PIBF1: variants seen among roughly 807,000 people sequenced by gnomAD.
PIBF1 encodes progesterone immunomodulatory binding factor 1.
A neutral mutation model predicts 112.5 loss-of-function variants in PIBF1; 90 were observed. The ratio of observed to expected loss-of-function variants is 0.80; its 90% CI spans 0.67 to 0.95. PIBF1 has a LOEUF of 0.95. Among genes scored for constraint, PIBF1 ranks in the 40% least tolerant of loss-of-function variants. The pLI is 0.00. For missense variants in PIBF1, 915 were observed against 852.3 expected, an observed-to-expected ratio of 1.07 and a Z score of -0.92; for synonymous variants, 301 against 288.6, an observed-to-expected ratio of 1.04 and a Z score of -0.44.
chr13:72,810,537 T>C (rs2035958249), intron 5 of PIBF1, among the ~76,000 whole-genome samples: 1 of 152,200 alleles, frequency 6.6e-6, no homozygotes, highest in Non-Finnish European at 1.5e-5. Context: ...ATTCAGTTAA[T>C]TTTATTTGTA....
intron 10 of PIBF1, among the ~76,000 whole-genome samples, chr13:72,869,832 T>A (rs2039089266): frequency 6.6e-6 from 1 of 151,938 alleles, no homozygotes; most frequent in Non-Finnish European, 1.5e-5. Flanking sequence ...TATATATATA[T>A]CTTTAATGAT....
intron 6 of PIBF1, among the ~76,000 whole-genome samples, chr13:72,824,801 T>C (rs2036725452): frequency 6.6e-6 from 1 of 152,190 alleles, no homozygotes; most frequent in Non-Finnish European, 1.5e-5. Flanking sequence ...GATGCTACCT[T>C]AACCTAGTGA....
At chr13:72,894,772 A>ATAGT (rs1491462402) in intron 11 of PIBF1, among the ~76,000 whole-genome samples, 7,863 of 136,910 alleles carry the variant, frequency 0.057, 583 homozygotes, top group African/African-American at 0.19. Flanking sequence ...ATATATATAT[A>ATAGT]GTGTGTGTGT....
At chr13:72,956,512 C>T (rs1414301195) in intron 14 of PIBF1, among the ~76,000 whole-genome samples, 2 of 152,146 alleles carry the variant, frequency 1.3e-5, no homozygotes, top group East Asian at 3.9e-4. Flanking sequence ...CATTAATGAC[C>T]TCTGAATGGC....
At chr13:72,897,996 A>G (rs1213825069) in intron 11 of PIBF1, among the ~76,000 whole-genome samples, 3 of 152,166 alleles carry the variant, frequency 2.0e-5, no homozygotes, top group African/African-American at 4.8e-5. Flanking sequence ...TCATCGAACA[A>G]CTGCAGAATA....
At chr13:73,009,872 G>C (rs2044142377) in intron 17 of PIBF1, among the ~76,000 whole-genome samples, 1 of 152,218 alleles carries the variant, frequency 6.6e-6, no homozygotes, top group Non-Finnish European at 1.5e-5. Context: ...AGCAGACACA[G>C]ATAAAAGGAG....
At chr13:72,910,908 A>C (rs2040871268) in intron 12 of PIBF1, among the ~76,000 whole-genome samples, 1 of 152,162 alleles carries the variant, frequency 6.6e-6, no homozygotes, top group Non-Finnish European at 1.5e-5. Flanking sequence ...AAAATCACGA[A>C]ATATATTGTG....
chr13:72,870,326 A>G (rs7993642), intron 10 of PIBF1, among the ~76,000 whole-genome samples: 117,949 of 152,096 alleles, frequency 0.78, 46,053 homozygotes, highest in South Asian at 0.85. Context: ...AATGAGAGCC[A>G]ACATTATGAA....
At chr13:72,825,564 A>G (rs1240257489) in intron 6 of PIBF1, among the ~76,000 whole-genome samples, 2 of 152,350 alleles carry the variant, frequency 1.3e-5, no homozygotes, top group South Asian at 2.1e-4. Flanking sequence ...GGGATCTGCA[A>G]CAACTGCAGG....
In PIBF1 at chr13:72,796,699, A is replaced by T. The variant is rs867170037; in HGVS notation, c.552+1142A>T. ...CAAATACAGCTTTTCTGTCCAAAGT[A>T]TACTGTCCAAAACAAATTAAATATC... On this transcript the variant is annotated intron_variant, in intron 4 of 17. Coordinates refer to ENST00000326291, the MANE Select transcript of PIBF1 (RefSeq NM_006346.4). Among the ~76,000 whole-genome samples the T allele has an allele frequency of 5.1e-4, 77 of 149,896 alleles. No individual in the cohort carries two copies. The Middle Eastern group carries it at 0.017, about 34-fold the overall frequency.
chr13:73,013,098 G>A (rs1263411072), intron 17 of PIBF1, among the ~76,000 whole-genome samples: 1 of 150,980 alleles, frequency 6.6e-6, no homozygotes, highest in East Asian at 1.9e-4. Context: ...TCAGGAGATC[G>A]AGACCATCCT....
chr13:72,940,226 T>C (rs1566472364), intron 14 of PIBF1, among the ~76,000 whole-genome samples: 1 of 152,118 alleles, frequency 6.6e-6, no homozygotes, highest in Non-Finnish European at 1.5e-5. Context: ...TTTTCTGCTT[T>C]TCTTTTGAAT....
chr13:73,004,267 G>A (rs530765591), intron 17 of PIBF1, among the ~76,000 whole-genome samples: 11 of 152,162 alleles, frequency 7.2e-5, no homozygotes, highest in African/African-American at 2.4e-4. Context: ...GAGGTGGGCG[G>A]CTCACCTGAG....
chr13:72,837,087 T>C (rs1270724288), intron 9 of PIBF1, among the ~76,000 whole-genome samples: 1 of 152,056 alleles, frequency 6.6e-6, no homozygotes, highest in African/African-American at 2.4e-5. Context: ...AATTTCAAAA[T>C]ATAAAAATTC....
chr13:73,011,059 C>T (rs1205736971), intron 17 of PIBF1, among the ~76,000 whole-genome samples: 1 of 149,036 alleles, frequency 6.7e-6, no homozygotes, highest in East Asian at 1.9e-4. Context: ...CTCCTGACCT[C>T]AGGTGATCCC....
chr13:72,831,805 A>G (rs928559789), intron 8 of PIBF1, among the ~76,000 whole-genome samples: 3 of 151,926 alleles, frequency 2.0e-5, no homozygotes, highest in Non-Finnish European at 4.4e-5. Flanking sequence ...ATCCTTGTTA[A>G]TTTTCTGTCT....
intron 7 of PIBF1, among the ~76,000 whole-genome samples, chr13:72,827,325 T>G (rs549851170): frequency 1.6e-4 from 23 of 145,648 alleles, no homozygotes; most frequent in Non-Finnish European, 3.3e-4. Context: ...CTTGGCTCAC[T>G]GCAACTTCCG....
rs1358020771 is a variant in PIBF1 at position 72,908,516 on chromosome 13, C to T, written c.1489-15C>T. 6.4e-7 allele frequency: 1 copy of T among 1,564,054 alleles called. No individual in the cohort carries two copies. Among genetic ancestry groups the T allele is most frequent in the Admixed American group, 1.9e-5 (1 of 52,788 alleles). On this transcript the variant is annotated splice_polypyrimidine_tract_variant and intron_variant, in intron 11 of 17. Transcript: ENST00000326291. Reference sequence around the variant, plus strand: ...GTTTAATTCTGCCTTTGTAATTCTTCTCTTTCACTATTAGGTTTTAACCAA... The same window carrying T: ...GTTTAATTCTGCCTTTGTAATTCTTTTCTTTCACTATTAGGTTTTAACCAA...
At chr13:72,861,172 C>T (rs1187129636) in intron 10 of PIBF1, among the ~76,000 whole-genome samples, 1 of 152,082 alleles carries the variant, frequency 6.6e-6, no homozygotes, top group African/African-American at 2.4e-5. Context: ...GTGGCTCACA[C>T]TTGTAATCCA....
Sources: gnomAD v4.1 joint callset for allele counts (sites outside exome capture counted in the v4.1 genomes callset) on GRCh38, gnomAD v4.1.1 for gene constraint, MANE v1.5 for transcripts, NCBI Gene and HGNC (gene_info 2026-07-23, HGNC 2026-07-21) for gene names.